The following EDA variants were observed in gnomAD, a reference collection of about 807,000 sequenced individuals.
EDA encodes the protein ectodysplasin A.
Under a neutral mutation model 23.6 loss-of-function variants are expected in EDA, and 2 were observed. The ratio of observed to expected loss-of-function variants is 0.08; its 90% CI spans 0.03 to 0.27. The LOEUF (loss-of-function observed/expected upper bound fraction) is 0.27. EDA is among the 10% of genes least tolerant of loss of function. The probability of loss-of-function intolerance (pLI) is 1.00; values close to 1 mark genes in which losing one functional copy is unlikely to be tolerated. For missense variants in EDA, 229 were observed against 324.2 expected (o/e 0.71, Z 2.26); for synonymous variants, 131 against 132.0 (o/e 0.99, Z 0.05).
chrX:69,995,672 T>C (rs906352870), intron 2 of EDA, among the ~76,000 whole-genome samples: 1 of 112,596 alleles, frequency 8.9e-6, no homozygotes, highest in Non-Finnish European at 1.9e-5. Flanking sequence ...GTTGGGCTAA[T>C]GGGTGGGGAG....
rs749651860 is a variant in EDA at position 69,729,947 on chromosome X, C to T, written c.396+113243C>T. Among the ~76,000 whole-genome samples, 3 of 112,063 alleles carry T rather than the reference C, an allele frequency of 2.7e-5. No homozygotes were observed. The East Asian group carries it at 8.4e-4, about 31-fold the overall frequency. The stretch of plus-strand genomic sequence containing the variant: ...TCTCCTGCTCACCATCCCTGTTTGA[C>T]ATTTTATGCTGCTTTATTTTTCTTT... On this transcript the variant is annotated intron_variant, in intron 1 of 7. Transcript: ENST00000374552.
chrX:69,836,218 C>A (rs2016769958), intron 1 of EDA, among the ~76,000 whole-genome samples: 1 of 112,560 alleles, frequency 8.9e-6, no homozygotes, highest in Non-Finnish European at 1.9e-5. Context: ...GGCAGTCTGT[C>A]CATTCTCAGA....
intron 2 of EDA, among the ~76,000 whole-genome samples, chrX:69,961,128 C>A (rs1302455739): frequency 8.9e-6 from 1 of 111,858 alleles, no homozygotes. Flanking sequence ...GTGCCCGCCA[C>A]AACACCCAGC....
In EDA at chrX:70,020,324, G is replaced by A. The variant is rs181111555; in HGVS notation, c.503-2894G>A. Among the ~76,000 whole-genome samples, 30 of 111,593 alleles carry A rather than the reference G, an allele frequency of 2.7e-4. No homozygotes were observed. In the East Asian group the frequency reaches 4.5e-3, roughly 17 times the overall value. On this transcript the variant is annotated intron_variant, in intron 2 of 7. Transcript: ENST00000374552. ...TGTAATCCCAGCACTTTGGGAGGCC[G>A]AGGCAGGCGGATCACGAGGTCAGGA...
chrX:69,947,302 A>T (rs193155289), intron 1 of EDA, among the ~76,000 whole-genome samples: 1 of 112,554 alleles, frequency 8.9e-6, no homozygotes, highest in Admixed American at 9.4e-5. Context: ...TATGACATAC[A>T]TACAAACCAT....
At chrX:69,791,878 G>A (rs141990839) in intron 1 of EDA, among the ~76,000 whole-genome samples, 8,512 of 111,811 alleles carry the variant, frequency 0.076, 254 homozygotes, top group Middle Eastern at 0.097. Context: ...TCCTGACCTC[G>A]TGATCTGCCT....
chrX:69,795,669 C>G (rs1392210140), intron 1 of EDA, among the ~76,000 whole-genome samples: 1 of 112,945 alleles, frequency 8.9e-6, no homozygotes, highest in African/African-American at 3.2e-5. Flanking sequence ...GCCACTGGGG[C>G]TTAGGTGCAA....
At chrX:69,830,743 G>A (rs765828212) in intron 1 of EDA, among the ~76,000 whole-genome samples, 40 of 112,070 alleles carry the variant, frequency 3.6e-4, no homozygotes, top group Non-Finnish European at 4.3e-4. Flanking sequence ...TGATTCAGTA[G>A]CTAACTGGAT....
At chrX:69,963,739 C>T (rs2019137197) in intron 2 of EDA, among the ~76,000 whole-genome samples, 1 of 111,674 alleles carries the variant, frequency 9.0e-6, no homozygotes, top group Non-Finnish European at 1.9e-5. Flanking sequence ...GCTTGTAAGA[C>T]GTTGTACCAG....
intron 1 of EDA, among the ~76,000 whole-genome samples, chrX:69,914,492 A>G (rs1307926638): frequency 9.0e-6 from 1 of 111,630 alleles, no homozygotes; most frequent in Non-Finnish European, 1.9e-5. Flanking sequence ...TTTATTTTTA[A>G]TTGACATGTT....
intron 1 of EDA, among the ~76,000 whole-genome samples, chrX:69,792,835 CT>C (rs905367793): frequency 8.9e-6 from 1 of 112,088 alleles, no homozygotes; most frequent in African/African-American, 3.2e-5. Context: ...TCTTTTCTTG[CT>C]GATTTGCTTG....
intron 2 of EDA, among the ~76,000 whole-genome samples, chrX:69,992,513 T>C (rs1338364140): frequency 8.9e-6 from 1 of 112,511 alleles, no homozygotes; most frequent in African/African-American, 3.2e-5. Flanking sequence ...AATTTGCTCT[T>C]ATATGAATAT....
intron 1 of EDA, among the ~76,000 whole-genome samples, chrX:69,873,170 AT>A (rs781486354): frequency 5.3e-4 from 59 of 112,237 alleles, no homozygotes; most frequent in African/African-American, 1.7e-3. Flanking sequence ...CGAAATTAAA[AT>A]GGAAATTTAA....
intron 1 of EDA, among the ~76,000 whole-genome samples, chrX:69,745,859 G>A (rs1382685980): frequency 9.0e-6 from 1 of 110,990 alleles, no homozygotes; most frequent in East Asian, 2.8e-4. Flanking sequence ...GTGGTAGTGG[G>A]CACCTGTAAT....
At position 69,622,424 on chromosome X, in the gene EDA, T is replaced by A. The variant is rs924764150; in HGVS notation, c.396+5720T>A. Among the ~76,000 whole-genome samples the A allele has an allele frequency of 2.7e-5, 3 of 112,493 alleles. No homozygotes were observed. In the Admixed American group the frequency reaches 2.8e-4, roughly 11 times the overall value. ...GCTGTTCTGGTGGGTGGCTTTGTAG[T>A]AATATCCGTTGATTTTAATTGGCAT... On this transcript the variant is annotated intron_variant, in intron 1 of 7. Transcript: ENST00000374552.
At chrX:69,957,324 T>C in intron 2 of EDA, 192 bp downstream of exon 2, 1 of 406,182 alleles carries the variant, frequency 2.5e-6, no homozygotes. Context: ...AAACCCTGTC[T>C]CTACTAAAAA....
intron 1 of EDA, among the ~76,000 whole-genome samples, chrX:69,748,991 G>A (rs1359863173): frequency 9.5e-6 from 1 of 104,994 alleles, no homozygotes. Flanking sequence ...ACATTGTGCA[G>A]GTTAGTTACA....
chrX:69,822,339 T>C (rs1038426211), intron 1 of EDA, among the ~76,000 whole-genome samples: 2 of 111,015 alleles, frequency 1.8e-5, no homozygotes, highest in Non-Finnish European at 3.8e-5. Flanking sequence ...CTTCAAAAGT[T>C]TGTAGGTATG....
intron 1 of EDA, among the ~76,000 whole-genome samples, chrX:69,810,078 G>A (rs933259311): frequency 9.5e-6 from 1 of 105,708 alleles, no homozygotes; most frequent in African/African-American, 3.4e-5. Flanking sequence ...TGACCAACAT[G>A]GTGAAATCCC....
Sources: allele counts gnomAD v4.1 joint callset (sites outside exome capture counted in the v4.1 genomes callset), GRCh38; gene constraint gnomAD v4.1.1; transcripts MANE v1.5; gene names NCBI Gene and HGNC (gene_info 2026-07-23, HGNC 2026-07-21).